Variants in REL observed in about 807,000 individuals in gnomAD.
REL encodes proto-oncogene c-Rel.
A neutral mutation model predicts 45.9 loss-of-function variants in REL; 15 were observed. That is an observed-to-expected ratio of 0.33 (90% CI 0.22 to 0.50). The LOEUF is 0.50. REL is among the 20% of genes least tolerant of loss of function. The pLI is 0.98. For missense variants in REL, 601 were observed against 715.2 expected (o/e 0.84, Z 1.82); for synonymous variants, 239 against 242.1 (o/e 0.99, Z 0.12).
chr2:60,909,804 G>T (rs1673761281), intron 4 of REL, among the ~76,000 whole-genome samples: 2 of 152,164 alleles, frequency 1.3e-5, no homozygotes, highest in African/African-American at 4.8e-5. Context: ...GGGAGGCTGA[G>T]GCAGGAGGAG....
At chr2:60,914,419 A>C (rs1239203118) in intron 4 of REL, among the ~76,000 whole-genome samples, 2 of 152,194 alleles carry the variant, frequency 1.3e-5, no homozygotes, top group Non-Finnish European at 2.9e-5. Context: ...TTTTTTTGAG[A>C]AGTAAGTAGA....
At chr2:60,907,006 A>G (rs1387403639) in intron 4 of REL, among the ~76,000 whole-genome samples, 1 of 143,502 alleles carries the variant, frequency 7.0e-6, no homozygotes, top group East Asian at 2.0e-4. Context: ...CGCAACCTCC[A>G]CCTCCCAGGT....
At chr2:60,909,624 T>C (rs920940024) in intron 4 of REL, among the ~76,000 whole-genome samples, 1 of 152,112 alleles carries the variant, frequency 6.6e-6, no homozygotes, top group Admixed American at 6.5e-5. Flanking sequence ...TATTCCAGGC[T>C]GGGCGCAGTG....
rs1460400766 is a variant in REL at position 60,920,302 on chromosome 2, A to T, written c.922+193A>T. On this transcript the variant is annotated intron_variant, in intron 8 of 9. Transcript: ENST00000394479. ...CTGCAACCTCTGCCCCCCAGGTTCA[A>T]CAATTCTCCTGCCTCAGCCTCCCGG... 4.9e-6 allele frequency: 3 copies of T among 615,872 alleles called. No homozygotes were observed. In the South Asian group the frequency reaches 6.2e-5, roughly 13 times the overall value. The allele number at this position is 615,872 out of a possible 1,614,324, so 38.2% of individuals were successfully genotyped here.
At chr2:60,916,752 AT>A (rs1558815713) in intron 4 of REL, 124 bp from the exon 5 acceptor site, 2 of 587,158 alleles carry the variant, frequency 3.4e-6, no homozygotes, top group Non-Finnish European at 5.9e-6. Context: ...ATACTGTTCT[AT>A]TTTTATTCAT....
At chr2:60,920,862 G>A (rs1163218691) in intron 9 of REL, among the ~76,000 whole-genome samples, 1 of 152,102 alleles carries the variant, frequency 6.6e-6, no homozygotes, top group Admixed American at 6.5e-5. Context: ...ATTACATGTT[G>A]TTCATATGGT....
At chr2:60,902,115 A>G (rs1673514385) in intron 4 of REL, among the ~76,000 whole-genome samples, 1 of 152,196 alleles carries the variant, frequency 6.6e-6, no homozygotes, top group South Asian at 2.1e-4. Context: ...AAATGACTGT[A>G]ATATTTTCAA....
intron 4 of REL, among the ~76,000 whole-genome samples, chr2:60,908,355 G>A (rs936791372): frequency 3.3e-5 from 5 of 152,058 alleles, no homozygotes; most frequent in African/African-American, 9.7e-5. Flanking sequence ...TTTTAAGGCC[G>A]GCCTTTATCT....
At chr2:60,893,508 T>C (rs1673273609) in intron 2 of REL, among the ~76,000 whole-genome samples, 2 of 152,214 alleles carry the variant, frequency 1.3e-5, no homozygotes, top group South Asian at 4.1e-4. Context: ...TGCATCTCTA[T>C]TTCTAAGATA....
At chr2:60,906,270 C>T (rs1315663203) in intron 4 of REL, among the ~76,000 whole-genome samples, 2 of 152,206 alleles carry the variant, frequency 1.3e-5, no homozygotes, top group Admixed American at 6.5e-5. Flanking sequence ...CAGAGCCAAA[C>T]CATATCGCCC....
intron 1 of REL, among the ~76,000 whole-genome samples, chr2:60,889,061 C>T (rs1673141514): frequency 6.6e-6 from 1 of 152,214 alleles, no homozygotes; most frequent in South Asian, 2.1e-4. Flanking sequence ...TTTCATCACA[C>T]ATAAAATGAA....
chr2:60,890,591 TG>T (rs1673184394), intron 1 of REL, among the ~76,000 whole-genome samples: 1 of 152,304 alleles, frequency 6.6e-6, no homozygotes, highest in South Asian at 2.1e-4. Context: ...CTCCCCTACT[TG>T]CAAGTACAGT....
In REL at chr2:60,931,260, T is replaced by C. The variant is rs1674377294; in HGVS notation, c.*8725T>C. On this transcript the variant is annotated 3_prime_UTR_variant, in exon 10 of 10. Coordinates refer to ENST00000394479, the MANE Select transcript of REL (RefSeq NM_001291746.2). ...TGGGTAACCAGCGTTCTTAAATGTA[T>C]GGTTTTTGACCAGGTGAACCCTTTA... 1 of 152,380 alleles carries C rather than the reference T, an allele frequency of 6.6e-6. No homozygotes were observed. Among genetic ancestry groups the C allele is most frequent in the South Asian group, 2.1e-4 (1 of 4,834 alleles). 9.4% of individuals were successfully genotyped at this position (152,380 alleles called of 1,614,324 possible). A position where few individuals can be genotyped will look rare whatever the true frequency, so the allele number is the denominator to read the frequency against.
chr2:60,925,528 G>C lies in REL; in HGVS notation c.*2993G>C, dbSNP rs954729261. 5.5e-6 allele frequency: 1 copy of C among 180,310 alleles called. No individual in the cohort carries two copies. The highest frequency in any genetic ancestry group is 9.2e-5 in the East Asian group (1 of 10,852). The allele number at this position is 180,310 out of a possible 1,614,324, so 11.2% of individuals were successfully genotyped here. ...ATCATAGAATTCAATAAAAAAGGTA[G>C]AAAGTAATTTTTTTACTTAAAAATA... On this transcript the variant is annotated 3_prime_UTR_variant, in exon 10 of 10. Transcript: ENST00000394479.
At position 60,927,137 on chromosome 2, in the gene REL, T is replaced by G. The variant is rs1351994100; in HGVS notation, c.*4602T>G. The G allele has an allele frequency of 8.9e-6, 2 of 225,290 alleles. No individual in the cohort carries two copies. The highest frequency in any genetic ancestry group is 1.8e-5 in the Non-Finnish European group (2 of 113,184). 14.0% of individuals were successfully genotyped at this position (225,290 alleles called of 1,614,324 possible). On this transcript the variant is annotated 3_prime_UTR_variant, in exon 10 of 10. Coordinates refer to ENST00000394479, the MANE Select transcript of REL (RefSeq NM_001291746.2). Reference sequence around the variant, plus strand: ...TCCTCTTATTTAAGTGTTTGTCTCTTTCGTCATTGGGACTCCAGCACCCAG... The same window carrying G: ...TCCTCTTATTTAAGTGTTTGTCTCTGTCGTCATTGGGACTCCAGCACCCAG...
At chr2:60,894,944 C>A (rs1673313309) in intron 3 of REL, among the ~76,000 whole-genome samples, 2 of 150,756 alleles carry the variant, frequency 1.3e-5, no homozygotes, top group African/African-American at 4.9e-5. Flanking sequence ...GCAACCTCCA[C>A]CTCCTGGGTT....
intron 3 of REL, among the ~76,000 whole-genome samples, chr2:60,896,243 A>C (rs141781363): frequency 6.6e-6 from 1 of 152,182 alleles, no homozygotes; most frequent in Non-Finnish European, 1.5e-5. Context: ...TCCTGACCTC[A>C]GGTGATCCAC....
At position 60,920,660 on chromosome 2, in the gene REL, G is replaced by C; in HGVS notation, c.991+18G>C. On this transcript the variant is annotated intron_variant, in intron 9 of 9. Transcript: ENST00000394479. Reference sequence around the variant, plus strand: ...CAAAAAAGGTATTTTATTTCCTATAGCATATTTCTTGTGATCAGAAAGACC... The same window carrying C: ...CAAAAAAGGTATTTTATTTCCTATACCATATTTCTTGTGATCAGAAAGACC... 2 of 1,489,660 alleles carry C rather than the reference G, an allele frequency of 1.3e-6. No individual in the cohort carries two copies. The highest frequency in any genetic ancestry group is 1.1e-5 in the South Asian group (1 of 87,666). 92.3% of individuals were successfully genotyped at this position (1,489,660 alleles called of 1,614,324 possible).
chr2:60,904,564 T>TC (rs1184622392), intron 4 of REL, among the ~76,000 whole-genome samples: 2 of 146,568 alleles, frequency 1.4e-5, no homozygotes, highest in Non-Finnish European at 3.0e-5. Context: ...AGAGTGAAAC[T>TC]CCATCTCAAA....
Sources: allele counts gnomAD v4.1 joint callset (sites outside exome capture counted in the v4.1 genomes callset), GRCh38; gene constraint gnomAD v4.1.1; transcripts MANE v1.5; gene names NCBI Gene and HGNC (gene_info 2026-07-23, HGNC 2026-07-21).